EYS: variants seen among roughly 807,000 people sequenced by gnomAD.
The protein encoded by EYS is protein eyes shut homolog.
In EYS, 250 loss-of-function variants were observed where a neutral mutation model predicts 282.1. The observed-to-expected ratio is 0.89, with a 90% confidence interval of 0.80 to 0.98. The LOEUF (loss-of-function observed/expected upper bound fraction) is 0.98. Ranked by LOEUF, EYS falls within the 50% of genes least tolerant of loss-of-function variation. EYS has a pLI of 0.00. For missense variants in EYS, 4,016 were observed against 3,709.0 expected, an observed-to-expected ratio of 1.08 and a Z score of -2.15; for synonymous variants, 1,355 against 1,282.9, an observed-to-expected ratio of 1.06 and a Z score of -1.20.
At chr6:65,169,563 CA>C (rs1236679353) in intron 12 of EYS, among the ~76,000 whole-genome samples, 1 of 151,348 alleles carries the variant, frequency 6.6e-6, no homozygotes, top group Non-Finnish European at 1.5e-5. Flanking sequence ...GCCAATACAA[CA>C]CATGCTTTTT....
At chr6:65,142,321 TAATCAGGGGA>T (rs1395436190) in intron 12 of EYS, among the ~76,000 whole-genome samples, 1 of 151,868 alleles carries the variant, frequency 6.6e-6, no homozygotes, top group East Asian at 1.9e-4. Flanking sequence ...AATTACATTA[TAATCAGGGGA>T]AATCAAGAGA....
chr6:65,564,468 C>T (rs950737011), intron 2 of EYS, among the ~76,000 whole-genome samples: 2 of 152,086 alleles, frequency 1.3e-5, no homozygotes, highest in African/African-American at 4.8e-5. Flanking sequence ...GAAGTAATGC[C>T]ACACATCTAC....
chr6:64,649,375 C>T (rs952423078), intron 22 of EYS, among the ~76,000 whole-genome samples: 3 of 150,340 alleles, frequency 2.0e-5, no homozygotes, highest in African/African-American at 4.9e-5. Flanking sequence ...CTTGCTCTGT[C>T]ACCCAGGCTG....
chr6:65,265,593 C>T (rs779169854), intron 12 of EYS, among the ~76,000 whole-genome samples: 1 of 151,958 alleles, frequency 6.6e-6, no homozygotes, highest in Non-Finnish European at 1.5e-5. Flanking sequence ...AAATACCCCA[C>T]TTCCAATTGT....
chr6:64,565,885 GA>G (rs1765550620), intron 26 of EYS, among the ~76,000 whole-genome samples: 1 of 148,146 alleles, frequency 6.8e-6, no homozygotes, highest in African/African-American at 2.5e-5. Flanking sequence ...ACCTTAAATA[GA>G]TACAATACAA....
chr6:63,881,900 A>G (rs548001480), intron 35 of EYS, among the ~76,000 whole-genome samples: 11 of 152,336 alleles, frequency 7.2e-5, no homozygotes, highest in African/African-American at 2.6e-4. Context: ...TTAATCACAT[A>G]TAGGAAGCTA....
intron 12 of EYS, among the ~76,000 whole-genome samples, chr6:65,089,705 C>T (rs926755650): frequency 2.0e-5 from 3 of 151,838 alleles, no homozygotes; most frequent in Admixed American, 1.3e-4. Flanking sequence ...AATTCCAGCA[C>T]TTCTTTGGGA....
At chr6:64,092,097 C>T (rs1331080756) in intron 31 of EYS, among the ~76,000 whole-genome samples, 1 of 152,180 alleles carries the variant, frequency 6.6e-6, no homozygotes, top group Non-Finnish European at 1.5e-5. Context: ...TTTTTTATGG[C>T]TGCATAGTGT....
intron 12 of EYS, among the ~76,000 whole-genome samples, chr6:65,105,633 C>T (rs551158818): frequency 6.6e-6 from 1 of 151,904 alleles, no homozygotes; most frequent in African/African-American, 2.4e-5. Context: ...TGACCTAATC[C>T]TGTCTGTGAA....
intron 22 of EYS, among the ~76,000 whole-genome samples, chr6:64,787,728 TTATAATA>T (rs1774067736): frequency 6.7e-6 from 1 of 149,278 alleles, no homozygotes; most frequent in Non-Finnish European, 1.5e-5. Context: ...ATATAACATT[TTATAATA>T]TATATATCAG....
chr6:65,264,154 T>C lies in EYS; in HGVS notation c.2023+31709A>G, dbSNP rs569884023. Among the ~76,000 whole-genome samples the C allele has an allele frequency of 2.1e-3, 323 of 152,272 alleles. 1 individual carries two copies. The highest frequency in any genetic ancestry group is 7.1e-3 in the African/African-American group (297 of 41,576). Reference sequence around the variant, plus strand: ...CATTTCTGGTAACCAATGATATGTCTTTCCAGTTGTTATACCTAGCAAGGC... The same window carrying C: ...CATTTCTGGTAACCAATGATATGTCCTTCCAGTTGTTATACCTAGCAAGGC... On this transcript the variant is annotated intron_variant, in intron 12 of 42. Coordinates refer to ENST00000503581, the MANE Select transcript of EYS (RefSeq NM_001142800.2).
At chr6:64,527,553 T>C (rs1415725361) in intron 26 of EYS, among the ~76,000 whole-genome samples, 1 of 151,826 alleles carries the variant, frequency 6.6e-6, no homozygotes, top group Non-Finnish European at 1.5e-5. Flanking sequence ...GTAAACAAGC[T>C]GTTTTTCTTT....
intron 30 of EYS, among the ~76,000 whole-genome samples, chr6:64,250,474 A>C (rs1767174093): frequency 6.6e-6 from 1 of 152,238 alleles, no homozygotes; most frequent in African/African-American, 2.4e-5. Context: ...GGAATGATTT[A>C]AAAGATTTAT....
intron 21 of EYS, among the ~76,000 whole-genome samples, chr6:64,818,550 C>T (rs1278224726): frequency 1.3e-5 from 2 of 152,226 alleles, no homozygotes; most frequent in Non-Finnish European, 2.9e-5. Flanking sequence ...AGTAGGGAAG[C>T]CGACAGTGCA....
intron 31 of EYS, among the ~76,000 whole-genome samples, chr6:64,124,817 CAAAAAGGGAGTTGG>C (rs1054708013): frequency 6.6e-6 from 1 of 151,970 alleles, no homozygotes; most frequent in Non-Finnish European, 1.5e-5. Context: ...ATGACATTAT[CAAAAAGGGAGTTGG>C]AAGAAGTGAG....
intron 12 of EYS, among the ~76,000 whole-genome samples, chr6:65,143,917 C>T (rs12211712): frequency 0.12 from 18,310 of 152,032 alleles, 1,445 homozygotes; most frequent in African/African-American, 0.22. Context: ...GTAGAAAATT[C>T]TTTTCTTCCT....
At chr6:64,013,985 T>C (rs1768766463) in intron 33 of EYS, among the ~76,000 whole-genome samples, 1 of 152,132 alleles carries the variant, frequency 6.6e-6, no homozygotes, top group Admixed American at 6.6e-5. Context: ...CTTCCAGTAC[T>C]TATTATGTAC....
chr6:65,354,578 T>A (rs9453266), intron 8 of EYS, among the ~76,000 whole-genome samples: 1 of 151,908 alleles, frequency 6.6e-6, no homozygotes, highest in Non-Finnish European at 1.5e-5. Context: ...CACTTTGGGA[T>A]GCCAAGGCGG....
At chr6:64,837,382 G>T (rs1183571131) in intron 19 of EYS, among the ~76,000 whole-genome samples, 4 of 151,136 alleles carry the variant, frequency 2.6e-5, no homozygotes, top group African/African-American at 7.3e-5. Flanking sequence ...CATACGAAAG[G>T]GGGGAAAATT....
Sources: allele counts gnomAD v4.1 joint callset (sites outside exome capture counted in the v4.1 genomes callset), GRCh38; gene constraint gnomAD v4.1.1; transcripts MANE v1.5; gene names NCBI Gene and HGNC (gene_info 2026-07-23, HGNC 2026-07-21).